Variants in PI4K2B observed in about 807,000 individuals in gnomAD.
The protein encoded by PI4K2B is phosphatidylinositol 4-kinase type 2 beta, also known as phosphatidylinositol 4-kinase type 2-beta.
Under a neutral mutation model 56.6 loss-of-function variants are expected in PI4K2B, and 46 were observed. That is an observed-to-expected ratio of 0.81 (90% CI 0.64 to 1.04). PI4K2B has a LOEUF of 1.04. Among genes scored for constraint, PI4K2B ranks in the 50% least tolerant of loss-of-function variants. The pLI is 0.00. For synonymous variants in PI4K2B, 211 were observed against 223.8 expected (o/e 0.94, Z 0.51); for missense variants, 556 against 607.7 (o/e 0.91, Z 0.89).
At chr4:25,275,961 A>G (rs946646998) in intron 9 of PI4K2B, among the ~76,000 whole-genome samples, 5 of 152,308 alleles carry the variant, frequency 3.3e-5, no homozygotes, top group African/African-American at 7.2e-5. Flanking sequence ...CAATCAATCA[A>G]TCAATCAACC....
At chr4:25,242,958 A>T (rs1310091815) in intron 1 of PI4K2B, among the ~76,000 whole-genome samples, 1 of 152,196 alleles carries the variant, frequency 6.6e-6, no homozygotes, top group Non-Finnish European at 1.5e-5. Context: ...TGGGACTTTC[A>T]GGCATAACAA....
chr4:25,258,557 A>G, intron 4 of PI4K2B: 2 of 382,022 alleles, frequency 5.2e-6, no homozygotes, highest in Non-Finnish European at 7.1e-6. Flanking sequence ...TCAAAGAAAG[A>G]GTCTTAACAA....
At chr4:25,272,339 GAAAT>G (rs1486222410) in intron 9 of PI4K2B, among the ~76,000 whole-genome samples, 4 of 152,132 alleles carry the variant, frequency 2.6e-5, no homozygotes, top group Non-Finnish European at 5.9e-5. Context: ...AGGAGAGAAA[GAAAT>G]AAAATGATGA....
At chr4:25,260,469 T>G (rs1716417206) in intron 5 of PI4K2B, 55 bp from the exon 6 acceptor site, 1 of 704,522 alleles carries the variant, frequency 1.4e-6, no homozygotes. Context: ...TCATTGATAT[T>G]AAGCCATGAT....
intron 9 of PI4K2B, among the ~76,000 whole-genome samples, chr4:25,273,455 T>C (rs976407963): frequency 3.9e-5 from 6 of 152,236 alleles, no homozygotes; most frequent in South Asian, 2.1e-4. Flanking sequence ...ACTAACCCTT[T>C]AGTACCTCCT....
At chr4:25,269,318 C>A in intron 9 of PI4K2B, 115 bp downstream of exon 9, 2 of 628,882 alleles carry the variant, frequency 3.2e-6, no homozygotes. Flanking sequence ...TTATGCTGAA[C>A]CAAAATAGCC....
intron 2 of PI4K2B, among the ~76,000 whole-genome samples, chr4:25,254,678 G>A (rs776305766): frequency 3.3e-5 from 5 of 152,162 alleles, no homozygotes; most frequent in Non-Finnish European, 5.9e-5. Flanking sequence ...CTCCCAAAGT[G>A]CTGGATTACA....
At position 25,279,109 on chromosome 4, in the gene PI4K2B, C is replaced by T. The variant is rs1388526724; in HGVS notation, c.*1922C>T. ...TTAAGATTATGTTCTTCTGTATGTA[C>T]GTGTTTGGAATATTTAGAATGTTTA... On this transcript the variant is annotated 3_prime_UTR_variant, in exon 10 of 10. Coordinates refer to ENST00000264864, the MANE Select transcript of PI4K2B (RefSeq NM_018323.4). The T allele has an allele frequency of 4.6e-5, 7 of 150,726 alleles. No individual in the cohort carries two copies. Among genetic ancestry groups the T allele is most frequent in the Non-Finnish European group, 8.9e-5 (6 of 67,782 alleles). 9.3% of individuals were successfully genotyped at this position (150,726 alleles called of 1,614,324 possible).
intron 7 of PI4K2B, among the ~76,000 whole-genome samples, chr4:25,265,899 GTTAA>G (rs1319053084): frequency 6.6e-6 from 1 of 152,112 alleles, no homozygotes; most frequent in Non-Finnish European, 1.5e-5. Flanking sequence ...TATTTAATCT[GTTAA>G]TTTTCAGAGG....
chr4:25,260,868 GATTT>G (rs1197657491), intron 6 of PI4K2B, among the ~76,000 whole-genome samples: 2 of 87,272 alleles, frequency 2.3e-5, no homozygotes, highest in Non-Finnish European at 4.8e-5. Context: ...CTTGATTCTT[GATTT>G]TTTTTTTTTT....
At chr4:25,269,054 C>T in intron 8 of PI4K2B, 90 bp from the exon 9 acceptor site, 1 of 664,504 alleles carries the variant, frequency 1.5e-6, no homozygotes, top group East Asian at 2.7e-5. Flanking sequence ...TTTTAATGGC[C>T]TTATTTGCTG....
intron 2 of PI4K2B, among the ~76,000 whole-genome samples, chr4:25,253,006 T>C (rs183824831): frequency 6.6e-6 from 1 of 152,344 alleles, no homozygotes; most frequent in East Asian, 1.9e-4. Flanking sequence ...TTATACTTGG[T>C]TTCAAGCATT....
intron 6 of PI4K2B, 36 bp downstream of exon 6, chr4:25,260,627 TATATATATATATATAC>T (rs141565073): frequency 0.083 from 22,715 of 274,768 alleles, 688 homozygotes; most frequent in African/African-American, 0.19. Context: ...TATATATATA[TATATATATATATATAC>T]ACACACACAC....
chr4:25,267,016 G>T (rs1255332743), intron 7 of PI4K2B, among the ~76,000 whole-genome samples: 3 of 152,154 alleles, frequency 2.0e-5, no homozygotes, highest in African/African-American at 7.2e-5. Flanking sequence ...AAGAGAGAAG[G>T]AGTAGCTTAC....
chr4:25,249,714 G>A (rs2109093954), intron 1 of PI4K2B, among the ~76,000 whole-genome samples: 1 of 152,078 alleles, frequency 6.6e-6, no homozygotes, highest in East Asian at 2.0e-4. Flanking sequence ...CGGCCGGGCA[G>A]AGGCACTCTT....
At chr4:25,252,785 G>T (rs1049223971) in intron 2 of PI4K2B, among the ~76,000 whole-genome samples, 3 of 152,156 alleles carry the variant, frequency 2.0e-5, no homozygotes, top group Admixed American at 2.0e-4. Flanking sequence ...GCTAATTTTT[G>T]TAATTATTTG....
At chr4:25,234,516 T>G in intron 1 of PI4K2B, 85 bp downstream of exon 1, 117 of 897,886 alleles carry the variant, frequency 1.3e-4, no homozygotes, top group Middle Eastern at 3.9e-4. Flanking sequence ...CCGCGCGCGC[T>G]GGCCGAGGTG....
chr4:25,250,720 G>T (rs1462266526), intron 1 of PI4K2B: 2 of 152,200 alleles, frequency 1.3e-5, no homozygotes, highest in African/African-American at 4.8e-5. Flanking sequence ...TAGCTTCTCT[G>T]TTAGGTATAG....
chr4:25,260,346 T>A (rs1716413001), intron 5 of PI4K2B, among the ~76,000 whole-genome samples, 178 bp from the exon 6 acceptor site: 1 of 151,006 alleles, frequency 6.6e-6, no homozygotes, highest in South Asian at 2.1e-4. Context: ...AAATGTTAGC[T>A]CACATTTATG....
Sources: gnomAD v4.1 joint callset for allele counts (sites outside exome capture counted in the v4.1 genomes callset) on GRCh38, gnomAD v4.1.1 for gene constraint, MANE v1.5 for transcripts, NCBI Gene and HGNC (gene_info 2026-07-23, HGNC 2026-07-21) for gene names.